The following LRRIQ1 variants were observed in gnomAD, a reference collection of about 807,000 sequenced individuals.
LRRIQ1 encodes leucine rich repeats and IQ motif containing 1.
A neutral mutation model predicts 211.9 loss-of-function variants in LRRIQ1; 210 were observed. The ratio of observed to expected loss-of-function variants is 0.99; its 90% confidence interval spans 0.89 to 1.11. The LOEUF (loss-of-function observed/expected upper bound fraction) is 1.11, where lower values mean the gene tolerates loss of function less well. Among genes scored for constraint, LRRIQ1 ranks in the 50% most tolerant of loss-of-function variants. The probability of loss-of-function intolerance (pLI) is 0.00; values close to 1 mark genes in which losing one functional copy is unlikely to be tolerated. For missense variants in LRRIQ1, 2,136 were observed against 1,939.5 expected (o/e 1.10, Z -1.90); for synonymous variants, 699 against 650.1 (o/e 1.08, Z -1.14).
intron 24 of LRRIQ1, among the ~76,000 whole-genome samples, chr12:85,175,921 G>A (rs1437395397): frequency 6.6e-6 from 1 of 152,164 alleles, no homozygotes; most frequent in Non-Finnish European, 1.5e-5. Flanking sequence ...TTGTAATATA[G>A]TTTGAAGTCA....
At chr12:85,127,806 T>G (rs752439229) in intron 17 of LRRIQ1, 26 bp from the exon 18 acceptor site, 1 of 1,585,958 alleles carries the variant, frequency 6.3e-7, no homozygotes, top group Non-Finnish European at 8.6e-7. Flanking sequence ...AAAAAAAGTG[T>G]GTGTTTTTTT....
intron 19 of LRRIQ1, among the ~76,000 whole-genome samples, chr12:85,138,452 A>AT (rs1341102263): frequency 6.6e-6 from 1 of 151,526 alleles, no homozygotes; most frequent in Non-Finnish European, 1.5e-5. Flanking sequence ...ATATCTCTGA[A>AT]TTTGTGTTTG....
At chr12:85,209,930 A>G (rs1893755375) in intron 24 of LRRIQ1, among the ~76,000 whole-genome samples, 1 of 152,128 alleles carries the variant, frequency 6.6e-6, no homozygotes, top group South Asian at 2.1e-4. Context: ...CACTTCATCA[A>G]GAAGCCATAT....
At position 85,208,330 on chromosome 12, in the gene LRRIQ1, C is replaced by T. The variant is rs1483089120; in HGVS notation, c.4823-21187C>T. ...TCTAGAGTAAGGAGGAATGTGCCTC[C>T]AGGTACCTGCCAAAAAGCACTTAAA... On this transcript the variant is annotated intron_variant, in intron 24 of 26. Transcript: ENST00000393217. Among the ~76,000 whole-genome samples, 5 of 152,136 alleles carry T rather than the reference C, an allele frequency of 3.3e-5. No homozygotes were observed. The East Asian group carries it at 9.7e-4, about 29-fold the overall frequency.
chr12:85,169,000 A>C (rs1891283860), intron 24 of LRRIQ1, among the ~76,000 whole-genome samples: 1 of 152,198 alleles, frequency 6.6e-6, no homozygotes, highest in Non-Finnish European at 1.5e-5. Context: ...ACTATGTTTC[A>C]ATAGTATCCT....
At chr12:85,140,583 A>G (rs568926887) in intron 19 of LRRIQ1, among the ~76,000 whole-genome samples, 1 of 151,004 alleles carries the variant, frequency 6.6e-6, no homozygotes, top group African/African-American at 2.4e-5. Context: ...CCTGTTATTT[A>G]TTTTTCTTGC....
At chr12:85,254,490 C>T (rs1896032704) in intron 1 of LRRIQ1, among the ~76,000 whole-genome samples, 1 of 152,008 alleles carries the variant, frequency 6.6e-6, no homozygotes, top group Admixed American at 6.6e-5. Flanking sequence ...TTTTCTACTG[C>T]ATATAGTGTT....
intron 10 of LRRIQ1, among the ~76,000 whole-genome samples, chr12:85,069,055 G>C (rs1228111626): frequency 6.6e-6 from 1 of 150,774 alleles, no homozygotes; most frequent in African/African-American, 2.4e-5. Context: ...TCGTCATTTA[G>C]CATTAGGTAT....
At chr12:85,116,949 C>T (rs897372054) in intron 15 of LRRIQ1, among the ~76,000 whole-genome samples, 2 of 151,004 alleles carry the variant, frequency 1.3e-5, no homozygotes, top group African/African-American at 2.4e-5. Context: ...TTTATCCAAT[C>T]TGTCATTGAT....
At chr12:85,223,123 T>G (rs1446080939) in intron 24 of LRRIQ1, among the ~76,000 whole-genome samples, 1 of 152,160 alleles carries the variant, frequency 6.6e-6, no homozygotes, top group African/African-American at 2.4e-5. Flanking sequence ...ATTTTGAAGT[T>G]CAGGTGGAAA....
At chr12:85,155,956 C>A (rs982309553) in intron 23 of LRRIQ1, among the ~76,000 whole-genome samples, 1 of 151,522 alleles carries the variant, frequency 6.6e-6, no homozygotes, top group Non-Finnish European at 1.5e-5. Context: ...AATTATCAGG[C>A]AAAAATTAAA....
chr12:85,212,479 A>G (rs1248129986), intron 24 of LRRIQ1, among the ~76,000 whole-genome samples: 1 of 152,108 alleles, frequency 6.6e-6, no homozygotes. Flanking sequence ...TTGCAAGAAT[A>G]TAGAAAAATT....
At chr12:85,155,154 C>G (rs1222109457) in intron 23 of LRRIQ1, among the ~76,000 whole-genome samples, 1 of 151,468 alleles carries the variant, frequency 6.6e-6, no homozygotes, top group African/African-American at 2.4e-5. Flanking sequence ...AAGTGTTCAA[C>G]TTGCATACCT....
intron 11 of LRRIQ1, among the ~76,000 whole-genome samples, chr12:85,093,263 T>C (rs1261981745): frequency 6.6e-6 from 1 of 152,178 alleles, no homozygotes; most frequent in East Asian, 1.9e-4. Flanking sequence ...GCAGCTACCA[T>C]GACTGGACAG....
downstream of LRRIQ1, chr12:85,245,139 C>CAGGAGATATTGAAGCCCCAAA: frequency 1.2e-6 from 1 of 852,562 alleles, no homozygotes. Flanking sequence ...GTATTTGGGG[C>CAGGAGATATTGAAGCCCCAAA]TTCAATATCT....
At chr12:85,259,359 A>G (rs1181784118) in intron 1 of LRRIQ1, among the ~76,000 whole-genome samples, 1 of 152,000 alleles carries the variant, frequency 6.6e-6, no homozygotes, top group Non-Finnish European at 1.5e-5. Flanking sequence ...TTATACATTG[A>G]CCATATTAAA....
intron 24 of LRRIQ1, among the ~76,000 whole-genome samples, chr12:85,178,994 A>G (rs1891853805): frequency 6.6e-6 from 1 of 151,786 alleles, no homozygotes; most frequent in South Asian, 2.1e-4. Context: ...AGTGTACAAC[A>G]CACCTATTCC....
intron 24 of LRRIQ1, among the ~76,000 whole-genome samples, chr12:85,166,198 G>T (rs1013917512): frequency 2.0e-5 from 3 of 152,212 alleles, no homozygotes; most frequent in African/African-American, 7.2e-5. Context: ...TTCTGGCTTT[G>T]GTCAGGGAAG....
rs1239890021 is a variant in LRRIQ1 at position 85,078,116 on chromosome 12, TAG to T, written c.2887+5021_2887+5022del. 2.6e-5 allele frequency among the ~76,000 whole-genome samples: 4 copies of T among 152,168 alleles called. No homozygotes were observed. The East Asian group carries it at 7.7e-4, about 29-fold the overall frequency. ...CGATTACTGTTTAATCAGTTGTGAA[TAG>T]AGTTTTTGGAATGTATATTAATATT... is the stretch of plus-strand genomic sequence containing the variant. On this transcript the variant is annotated intron_variant, in intron 11 of 26. Transcript: ENST00000393217.
Sources: gnomAD v4.1 joint callset for allele counts (sites outside exome capture counted in the v4.1 genomes callset) on GRCh38, gnomAD v4.1.1 for gene constraint, MANE v1.5 for transcripts, NCBI Gene and HGNC (gene_info 2026-07-23, HGNC 2026-07-21) for gene names.